The following CHRM3 variants were observed in gnomAD, a reference collection of about 807,000 sequenced individuals.
CHRM3 encodes the protein cholinergic receptor muscarinic 3, also known as muscarinic acetylcholine receptor M3.
A neutral mutation model predicts 41.8 loss-of-function variants in CHRM3; 11 were observed. The ratio of observed to expected loss-of-function variants is 0.26; its 90% confidence interval spans 0.17 to 0.44. CHRM3 has a LOEUF of 0.44. Among genes scored for constraint, CHRM3 ranks in the 20% least tolerant of loss-of-function variants. The pLI, the probability that CHRM3 is intolerant of heterozygous loss-of-function variation, is 1.00. For synonymous variants in CHRM3, 297 were observed against 301.4 expected, an observed-to-expected ratio of 0.99 and a Z score of 0.15; for missense variants, 571 against 745.4, an observed-to-expected ratio of 0.77 and a Z score of 2.72.
At chr1:239,519,932 A>G (rs1160658800) in intron 2 of CHRM3, among the ~76,000 whole-genome samples, 2 of 151,920 alleles carry the variant, frequency 1.3e-5, no homozygotes, top group Non-Finnish European at 2.9e-5. Context: ...TATTTTTAGT[A>G]GAGACGGGGT....
rs189439035 is a variant in CHRM3 at position 239,611,274 on chromosome 1, G to A, written c.-312-20950G>A. Among the ~76,000 whole-genome samples, 191 of 152,168 alleles carry A rather than the reference G, an allele frequency of 1.3e-3. 1 individual carries two copies. Among genetic ancestry groups the A allele is most frequent in the Non-Finnish European group, 2.0e-3 (136 of 68,004 alleles). On this transcript the variant is annotated intron_variant, in intron 3 of 6. Coordinates refer to ENST00000676153, the MANE Select transcript of CHRM3 (RefSeq NM_001375978.1). ...ATCTTACTGGAAACATCTAAAAATT[G>A]TAAACTGAGTCCTTCTCGATTATAG...
At chr1:239,727,809 C>G (rs1385539653) in intron 5 of CHRM3, 1 of 151,858 alleles carries the variant, frequency 6.6e-6, no homozygotes, top group Admixed American at 6.6e-5. Context: ...TAGCTGGTAC[C>G]TGCACAATTA....
At chr1:239,401,099 A>C (rs765360196) in intron 1 of CHRM3, among the ~76,000 whole-genome samples, 2 of 152,168 alleles carry the variant, frequency 1.3e-5, no homozygotes, top group Non-Finnish European at 2.9e-5. Context: ...GAGGGACTGA[A>C]ACATTCCCAC....
chr1:239,664,969 G>C (rs1343936230), intron 4 of CHRM3, among the ~76,000 whole-genome samples: 1 of 151,824 alleles, frequency 6.6e-6, no homozygotes, highest in Non-Finnish European at 1.5e-5. Flanking sequence ...GAGGAAACTA[G>C]AACCCACACA....
chr1:239,832,274 A>AG (rs965885621), intron 6 of CHRM3, among the ~76,000 whole-genome samples: 1 of 152,080 alleles, frequency 6.6e-6, no homozygotes, highest in African/African-American at 2.4e-5. Flanking sequence ...TGTCAAGCTG[A>AG]GAAAAAAAAA....
chr1:239,892,145 A>G (rs1167854089), intron 6 of CHRM3, among the ~76,000 whole-genome samples: 1 of 152,204 alleles, frequency 6.6e-6, no homozygotes, highest in Non-Finnish European at 1.5e-5. Flanking sequence ...GTTCAACTTT[A>G]TTCCTTTGGC....
chr1:239,551,397 G>A (rs1452211032), intron 3 of CHRM3, among the ~76,000 whole-genome samples: 8 of 151,466 alleles, frequency 5.3e-5, no homozygotes, highest in Admixed American at 4.6e-4. Context: ...CCCAACCTCA[G>A]GTAATCCACC....
At chr1:239,514,559 A>C (rs1016628464) in intron 2 of CHRM3, among the ~76,000 whole-genome samples, 1 of 152,104 alleles carries the variant, frequency 6.6e-6, no homozygotes, top group Non-Finnish European at 1.5e-5. Flanking sequence ...TGCCATCTAC[A>C]CAAAAATTAA....
chr1:239,682,385 C>T (rs12754940), intron 5 of CHRM3, among the ~76,000 whole-genome samples: 3,739 of 152,156 alleles, frequency 0.025, 72 homozygotes, highest in Middle Eastern at 0.061. Flanking sequence ...TGTAAAGCAC[C>T]ATTTTTTTCT....
At chr1:239,452,773 G>C (rs1189607139) in intron 1 of CHRM3, among the ~76,000 whole-genome samples, 1 of 151,942 alleles carries the variant, frequency 6.6e-6, no homozygotes, top group Non-Finnish European at 1.5e-5. Flanking sequence ...CTGTATTTAG[G>C]CTTGCTTCTT....
At chr1:239,724,339 G>C (rs958701309) in intron 5 of CHRM3, among the ~76,000 whole-genome samples, 6 of 151,954 alleles carry the variant, frequency 3.9e-5, no homozygotes, top group Non-Finnish European at 8.8e-5. Flanking sequence ...TTGGCAAAGT[G>C]ATAATATCTT....
chr1:239,535,455 C>T (rs753234505), intron 2 of CHRM3, among the ~76,000 whole-genome samples: 2 of 149,222 alleles, frequency 1.3e-5, no homozygotes, highest in Non-Finnish European at 3.0e-5. Context: ...ACTTAAGATG[C>T]CTTTATTTCC....
At chr1:239,522,246 G>A (rs896717767) in intron 2 of CHRM3, among the ~76,000 whole-genome samples, 1 of 152,140 alleles carries the variant, frequency 6.6e-6, no homozygotes, top group Non-Finnish European at 1.5e-5. Context: ...GGGAGTTGTA[G>A]ATACCATGTC....
At chr1:239,774,126 G>A (rs1050561938) in intron 5 of CHRM3, among the ~76,000 whole-genome samples, 1 of 152,118 alleles carries the variant, frequency 6.6e-6, no homozygotes, top group African/African-American at 2.4e-5. Flanking sequence ...CTAAATCCTA[G>A]CATTTATGTG....
At chr1:239,704,149 C>G (rs1405172617) in intron 5 of CHRM3, 1 of 152,110 alleles carries the variant, frequency 6.6e-6, no homozygotes, top group Non-Finnish European at 1.5e-5. Flanking sequence ...ATAGACTATA[C>G]TGGCTGTGAT....
intron 1 of CHRM3, among the ~76,000 whole-genome samples, chr1:239,403,532 GT>G (rs1300675912): frequency 2.0e-5 from 3 of 152,240 alleles, no homozygotes; most frequent in African/African-American, 7.2e-5. Context: ...CTGGAGCATT[GT>G]TTTTGTAGAT....
intron 6 of CHRM3, among the ~76,000 whole-genome samples, chr1:239,832,346 T>C (rs1672962038): frequency 6.6e-6 from 1 of 152,192 alleles, no homozygotes; most frequent in African/African-American, 2.4e-5. Context: ...CACATCTGTA[T>C]TTCCATGGCA....
intron 2 of CHRM3, among the ~76,000 whole-genome samples, chr1:239,514,709 G>A (rs1408140186): frequency 6.6e-6 from 1 of 152,114 alleles, no homozygotes; most frequent in African/African-American, 2.4e-5. Flanking sequence ...TAGTGGTGAA[G>A]AAATTTGTCA....
At chr1:239,781,050 T>C (rs1173851516) in intron 5 of CHRM3, among the ~76,000 whole-genome samples, 1 of 152,204 alleles carries the variant, frequency 6.6e-6, no homozygotes, top group African/African-American at 2.4e-5. Context: ...ATCAGGCCTC[T>C]GACTTTGTTG....
Sources: allele counts gnomAD v4.1 joint callset (sites outside exome capture counted in the v4.1 genomes callset), GRCh38; gene constraint gnomAD v4.1.1; transcripts MANE v1.5; gene names NCBI Gene and HGNC (gene_info 2026-07-23, HGNC 2026-07-21).